The following UROC1 variants were observed in gnomAD, a reference collection of about 807,000 sequenced individuals.
UROC1 encodes urocanate hydratase.
UROC1 carries 79 observed loss-of-function variants against 89.5 expected under a neutral mutation model. The ratio of observed to expected loss-of-function variants is 0.88; its 90% CI spans 0.74 to 1.06. The LOEUF (loss-of-function observed/expected upper bound fraction) is 1.06. UROC1 is among the 50% of genes least tolerant of loss of function. The probability of loss-of-function intolerance (pLI) is 0.00; values close to 1 mark genes in which losing one functional copy is unlikely to be tolerated. For missense variants in UROC1, 885 were observed against 907.8 expected (o/e 0.97, Z 0.32); for synonymous variants, 361 against 354.8 (o/e 1.02, Z -0.20).
chr3:126,512,875 A>G (rs1936224445), intron 1 of UROC1, among the ~76,000 whole-genome samples: 1 of 152,240 alleles, frequency 6.6e-6, no homozygotes, highest in African/African-American at 2.4e-5. Flanking sequence ...CTACACTTGC[A>G]CTATTTCTTG....
At position 126,506,599 on chromosome 3, in the gene UROC1, A is replaced by C. The variant is rs146994718; in HGVS notation, c.603-588T>G. 9.5e-4 allele frequency among the ~76,000 whole-genome samples: 145 copies of C among 152,338 alleles called. 2 individuals are homozygous for C. The East Asian group carries it at 0.011, about 12-fold the overall frequency. ...GCTTCCTGAAATGCAGCAATCTCCT[A>C]GCTCTCTTGTGAAGGTGGGAAAGGC... On this transcript the variant is annotated intron_variant, in intron 6 of 19. Coordinates refer to ENST00000290868, the MANE Select transcript of UROC1 (RefSeq NM_144639.3).
chr3:126,515,553 C>T lies in UROC1; in HGVS notation c.126+2041G>A, dbSNP rs749359691. On this transcript the variant is annotated intron_variant, in intron 1 of 19. Coordinates refer to ENST00000290868, the MANE Select transcript of UROC1 (RefSeq NM_144639.3). ...CCTCCCATCTGCCCAGCACCCACCA[C>T]CTACCCCCTTCCACTCCCCAGCACC... Among the ~76,000 whole-genome samples the T allele has an allele frequency of 1.5e-3, 130 of 88,536 alleles. 3 individuals are homozygous for T. Among genetic ancestry groups the T allele is most frequent in the African/African-American group, 5.5e-3 (120 of 21,682 alleles). The allele number at this position is 88,536 out of a possible 152,430, so 58.1% of individuals were successfully genotyped here.
chr3:126,486,115 C>T (rs370122543), intron 18 of UROC1, among the ~76,000 whole-genome samples: 14 of 152,232 alleles, frequency 9.2e-5, no homozygotes, highest in African/African-American at 2.2e-4. Flanking sequence ...CAAGGGGCTC[C>T]GAAGGAGGGC....
chr3:126,485,591 AT>A (rs372032139), intron 18 of UROC1, among the ~76,000 whole-genome samples: 1 of 134,470 alleles, frequency 7.4e-6, no homozygotes, highest in Non-Finnish European at 1.6e-5. Context: ...TTCCCCATTT[AT>A]TTATTTATTT....
chr3:126,499,345 G>C lies in UROC1; in HGVS notation c.1308C>G (p.His436Gln). The C allele has an allele frequency of 6.2e-7, 1 of 1,611,622 alleles. No homozygotes were observed. The highest frequency in any genetic ancestry group is 8.5e-7 in the Non-Finnish European group (1 of 1,179,606). Residue 436 changes from histidine (H) to glutamine (Q), a missense_variant, in exon 13 of 20, where the codon CAC (histidine) becomes CAG (glutamine). Physicochemically the swap from His to Gln is conservative, Grantham distance 24. Coordinates refer to ENST00000290868, the MANE Select transcript of UROC1 (RefSeq NM_144639.3). ...TEFRYPSYVQHIMGDIFSQGF... is the reference protein window; with the variant it reads ...TEFRYPSYVQQIMGDIFSQGF... ...AGCCGCCCATCACTCACCCCATGATGTGCTGCACATAGGAAGGGTAGCGGA... is the reference window on the plus strand; with the variant it reads ...AGCCGCCCATCACTCACCCCATGATCTGCTGCACATAGGAAGGGTAGCGGA...
intron 14 of UROC1, among the ~76,000 whole-genome samples, chr3:126,497,644 T>A (rs1935810386): frequency 6.6e-6 from 1 of 152,204 alleles, no homozygotes; most frequent in African/African-American, 2.4e-5. Flanking sequence ...GGGACTGTGG[T>A]GTGCTGCGGG....
rs984947400 is a variant in UROC1 at position 126,509,462 on chromosome 3, T to C, written c.351+123A>G. 3.1e-6 allele frequency: 3 copies of C among 981,902 alleles called. No individual in the cohort carries two copies. In the African/African-American group the frequency reaches 4.8e-5, roughly 16 times the overall value. 60.8% of individuals were successfully genotyped at this position (981,902 alleles called of 1,614,324 possible). On this transcript the variant is annotated intron_variant, in intron 3 of 19. Coordinates refer to ENST00000290868, the MANE Select transcript of UROC1 (RefSeq NM_144639.3). ...GGGAAGGGCCAGGGACCTCTCTTAC[T>C]AGCTTTGCAACTTTCTGTGAATCTA...
chr3:126,510,241 G>A (rs138931725), intron 2 of UROC1, among the ~76,000 whole-genome samples: 13 of 152,334 alleles, frequency 8.5e-5, no homozygotes, highest in Non-Finnish European at 1.8e-4. Context: ...AGGCCTCCAG[G>A]GGTGCTGTGC....
At chr3:126,506,779 A>C (rs1454971441) in intron 6 of UROC1, among the ~76,000 whole-genome samples, 1 of 152,216 alleles carries the variant, frequency 6.6e-6, no homozygotes, top group African/African-American at 2.4e-5. Context: ...TATAATGCTT[A>C]ATGAAATACT....
chr3:126,500,295 A>G, intron 11 of UROC1, 141 bp from the exon 12 acceptor site: 1 of 803,396 alleles, frequency 1.2e-6, no homozygotes, highest in South Asian at 1.5e-5. Flanking sequence ...GGTCGGCACC[A>G]CACACCTGGA....
In UROC1 at chr3:126,510,184, T is replaced by G. The variant is rs115269003; in HGVS notation, c.257+480A>C. ...CAGACTCGAAGCTCCACCCCAGAAC[T>G]GCTGGGTCTGAAACTGGGGTGAAGC... is the stretch of plus-strand genomic sequence containing the variant. On this transcript the variant is annotated intron_variant, in intron 2 of 19. Coordinates refer to ENST00000290868, the MANE Select transcript of UROC1 (RefSeq NM_144639.3). Among the ~76,000 whole-genome samples the G allele has an allele frequency of 1.1e-3, 166 of 152,270 alleles. 1 individual carries two copies. The highest frequency in any genetic ancestry group is 3.6e-3 in the African/African-American group (149 of 41,550).
rs78103295 is a variant in UROC1, at chr3:126,493,135, C to T, written c.1510-619G>A. Among the ~76,000 whole-genome samples, 1,072 of 152,230 alleles carry T rather than the reference C, an allele frequency of 7.0e-3. 14 individuals carry two copies. Among genetic ancestry groups the T allele is most frequent in the African/African-American group, 0.025 (1,036 of 41,528 alleles). On this transcript the variant is annotated intron_variant, in intron 15 of 19. Transcript: ENST00000290868. ...CCTGACAGTAATGGGTGGTTGTCCC[C>T]GGGAGACAGCTTCAGCGCATGAAAT...
In UROC1 at chr3:126,483,368, C is replaced by T. The variant is rs1935434503; in HGVS notation, c.1890+1G>A. 1 of 1,612,790 alleles carries T rather than the reference C, an allele frequency of 6.2e-7. No individual in the cohort carries two copies. The highest frequency in any genetic ancestry group is 8.5e-7 in the Non-Finnish European group (1 of 1,179,868). ...AGGTGGCAAGGACTGGGCTGACTTA[C>T]ACCATTGGAGACATCCCAGCTGAGC... On this transcript the variant is annotated splice_donor_variant, in intron 19 of 19. Coordinates refer to ENST00000290868, the MANE Select transcript of UROC1 (RefSeq NM_144639.3). LOFTEE classifies it high-confidence loss of function.
intron 18 of UROC1, among the ~76,000 whole-genome samples, chr3:126,484,338 T>C (rs1935464191): frequency 6.6e-6 from 1 of 152,228 alleles, no homozygotes; most frequent in Non-Finnish European, 1.5e-5. Flanking sequence ...GCTGCTGCCC[T>C]TGAAGCATCC....
At position 126,496,072 on chromosome 3, in the gene UROC1, A is replaced by G. The variant is rs1315109077; in HGVS notation, c.1475T>C (p.Ile492Thr). ...CCTGGCGGCCTCCCGGATCCAGCGGATGTTGTCCATGTACTGCAGCTTCAC... is the reference window on the plus strand; with the variant it reads ...CCTGGCGGCCTCCCGGATCCAGCGGGTGTTGTCCATGTACTGCAGCTTCAC... Reference protein sequence around the residue: ...VSVKLQYMDNIRWIREAARHR... With the variant: ...VSVKLQYMDNTRWIREAARHR... Residue 492 changes from isoleucine (I) to threonine (T), a missense_variant, in exon 15 of 20, where the codon ATC becomes ACC. Transcript: ENST00000290868. The G allele has an allele frequency of 6.2e-7, 1 of 1,613,424 alleles. No homozygotes were observed. Among genetic ancestry groups the G allele is most frequent in the South Asian group, 1.1e-5 (1 of 91,014 alleles).
intron 1 of UROC1, among the ~76,000 whole-genome samples, chr3:126,513,995 A>G (rs1261260554): frequency 6.6e-6 from 1 of 152,124 alleles, no homozygotes; most frequent in Non-Finnish European, 1.5e-5. Context: ...CCGTCTCCAC[A>G]TCTGTGCACA....
rs748145357 is a variant in UROC1, at chr3:126,508,125, G to C, written c.412-30C>G. The C allele has an allele frequency of 4.3e-6, 7 of 1,613,002 alleles. No homozygotes were observed. In the East Asian group the frequency reaches 1.3e-4, roughly 31 times the overall value. On this transcript the variant is annotated intron_variant, in intron 4 of 19. Coordinates refer to ENST00000290868, the MANE Select transcript of UROC1 (RefSeq NM_144639.3). Reference sequence around the variant, plus strand: ...GGGAAGAGCAGAGCGTGGGGATTCTGTCAACAGAAGCAGCACCCCACACCC... The same window carrying C: ...GGGAAGAGCAGAGCGTGGGGATTCTCTCAACAGAAGCAGCACCCCACACCC...
rs1189532842 is a variant in UROC1 at position 126,486,622 on chromosome 3, G to A, written c.1790+1576C>T. 2.6e-5 allele frequency among the ~76,000 whole-genome samples: 4 copies of A among 152,356 alleles called. No homozygotes were observed. In the East Asian group the frequency reaches 7.7e-4, roughly 29 times the overall value. On this transcript the variant is annotated intron_variant, in intron 18 of 19. Transcript: ENST00000290868. Reference sequence around the variant, plus strand: ...CAGCTGTCACTGGTTGTCCTGGAGTGGAGCCAACAGACAAGTGGAAACATG... The same window carrying A: ...CAGCTGTCACTGGTTGTCCTGGAGTAGAGCCAACAGACAAGTGGAAACATG...
chr3:126,482,610 CT>C, intron 19 of UROC1, 125 bp from the exon 20 acceptor site: 1 of 1,411,912 alleles, frequency 7.1e-7, no homozygotes, highest in Non-Finnish European at 9.9e-7. Flanking sequence ...GACAGCTGCC[CT>C]TTTGTGTCTG....
Sources: allele counts gnomAD v4.1 joint callset (sites outside exome capture counted in the v4.1 genomes callset), GRCh38; gene constraint gnomAD v4.1.1; transcripts MANE v1.5; gene names NCBI Gene and HGNC (gene_info 2026-07-23, HGNC 2026-07-21).